CNTNAP2: variants seen among roughly 807,000 people sequenced by gnomAD.
The protein encoded by CNTNAP2 is contactin-associated protein-like 2.
Under a neutral mutation model 155.2 loss-of-function variants are expected in CNTNAP2, and 98 were observed. That is an observed-to-expected ratio of 0.63 (90% CI 0.54 to 0.75). CNTNAP2 has a LOEUF of 0.75. Ranked by LOEUF, CNTNAP2 falls within the 30% of genes least tolerant of loss-of-function variation. The probability of loss-of-function intolerance (pLI) is 0.00; values close to 1 mark genes in which losing one functional copy is unlikely to be tolerated. For synonymous variants in CNTNAP2, 651 were observed against 631.2 expected (o/e 1.03, Z -0.47); for missense variants, 1,727 against 1,688.1 (o/e 1.02, Z -0.40).
intron 21 of CNTNAP2, among the ~76,000 whole-genome samples, chr7:148,293,645 T>C (rs10225169): frequency 0.059 from 9,012 of 152,270 alleles, 341 homozygotes; most frequent in African/African-American, 0.11. Flanking sequence ...TGACACATTA[T>C]TAAAACACCT....
intron 1 of CNTNAP2, among the ~76,000 whole-genome samples, chr7:146,546,562 C>A (rs1320834146): frequency 6.6e-6 from 1 of 151,826 alleles, no homozygotes; most frequent in Admixed American, 6.6e-5. Context: ...TTGGTACCAT[C>A]TAAGTTATAC....
At chr7:146,947,557 G>GTATATATATATATATATATATACATATA (rs1325610298) in intron 3 of CNTNAP2, among the ~76,000 whole-genome samples, 1 of 50,714 alleles carries the variant, frequency 2.0e-5, no homozygotes, top group Non-Finnish European at 4.8e-5. Context: ...GTGTGTGTGT[G>GTATATATATATATATATATATACATATA]TATATATATA....
At chr7:148,316,498 C>T (rs1797692245) in intron 21 of CNTNAP2, among the ~76,000 whole-genome samples, 1 of 152,084 alleles carries the variant, frequency 6.6e-6, no homozygotes, top group African/African-American at 2.4e-5. Context: ...TACGTGGTGC[C>T]TAATGGGGAT....
chr7:147,504,969 C>T (rs2116676707), intron 11 of CNTNAP2, among the ~76,000 whole-genome samples: 1 of 152,082 alleles, frequency 6.6e-6, no homozygotes, highest in South Asian at 2.1e-4. Context: ...CACACTGATG[C>T]AAACTTTAGC....
chr7:146,746,908 G>GT (rs1801818154), intron 1 of CNTNAP2, among the ~76,000 whole-genome samples: 1 of 150,684 alleles, frequency 6.6e-6, no homozygotes, highest in Admixed American at 6.6e-5. Flanking sequence ...CAACAAAGAA[G>GT]TTTTTTCCTA....
At chr7:146,797,956 A>T (rs373841683) in intron 2 of CNTNAP2, among the ~76,000 whole-genome samples, 2 of 152,182 alleles carry the variant, frequency 1.3e-5, no homozygotes, top group East Asian at 1.9e-4. Flanking sequence ...TTTGCCACAC[A>T]GAAGCTATTC....
At chr7:146,518,070 G>A (rs956725754) in intron 1 of CNTNAP2, among the ~76,000 whole-genome samples, 2 of 151,758 alleles carry the variant, frequency 1.3e-5, no homozygotes, top group African/African-American at 4.8e-5. Flanking sequence ...ATAATAAATA[G>A]TTCCATTCAC....
chr7:147,083,860 C>CATGTATGTACATATTATATACATATACAT (rs1800202927), intron 4 of CNTNAP2, among the ~76,000 whole-genome samples: 1 of 139,380 alleles, frequency 7.2e-6, no homozygotes, highest in Non-Finnish European at 1.5e-5. Context: ...TACATATACA[C>CATGTATGTACATATTATATACATATACAT]ATGTATGTAC....
At chr7:147,596,747 A>C (rs975577010) in intron 12 of CNTNAP2, among the ~76,000 whole-genome samples, 10 of 152,166 alleles carry the variant, frequency 6.6e-5, no homozygotes, top group African/African-American at 2.4e-4. Flanking sequence ...GCATTCCTGG[A>C]CATCCTTAGG....
chr7:147,194,192 G>C (rs766981602), intron 8 of CNTNAP2, among the ~76,000 whole-genome samples: 1 of 151,030 alleles, frequency 6.6e-6, no homozygotes, highest in Non-Finnish European at 1.5e-5. Flanking sequence ...TTTGGTTTTT[G>C]GTTCCTGTGT....
At chr7:147,365,220 A>T (rs1462378274) in intron 9 of CNTNAP2, among the ~76,000 whole-genome samples, 1 of 151,884 alleles carries the variant, frequency 6.6e-6, no homozygotes, top group African/African-American at 2.4e-5. Context: ...CCTGGCCAAC[A>T]TGGTGAAACC....
At chr7:147,353,635 G>A (rs374853430) in intron 9 of CNTNAP2, among the ~76,000 whole-genome samples, 3 of 152,122 alleles carry the variant, frequency 2.0e-5, no homozygotes, top group Non-Finnish European at 2.9e-5. Flanking sequence ...AGAGTAGAAC[G>A]ATTTATAATC....
intron 18 of CNTNAP2, among the ~76,000 whole-genome samples, chr7:148,194,809 A>G (rs1298391503): frequency 2.0e-5 from 3 of 152,202 alleles, no homozygotes; most frequent in East Asian, 1.9e-4. Context: ...TGGCCCCTCA[A>G]TGGATTGGAT....
At chr7:146,941,454 A>G (rs1433439826) in intron 3 of CNTNAP2, among the ~76,000 whole-genome samples, 1 of 152,144 alleles carries the variant, frequency 6.6e-6, no homozygotes. Flanking sequence ...TCCTTAACAA[A>G]TTACTGTAGT....
chr7:146,794,015 C>G (rs867082804), intron 2 of CNTNAP2, among the ~76,000 whole-genome samples: 25 of 152,284 alleles, frequency 1.6e-4, no homozygotes, highest in Middle Eastern at 6.8e-3. Context: ...GTTCTAGAGA[C>G]AGCTGCTGCT....
At chr7:146,312,207 T>A (rs932984271) in intron 1 of CNTNAP2, among the ~76,000 whole-genome samples, 2 of 152,186 alleles carry the variant, frequency 1.3e-5, no homozygotes, top group Non-Finnish European at 2.9e-5. Flanking sequence ...CTTCCTGAAT[T>A]TTCTAACATC....
At chr7:148,129,968 A>G (rs909051478) in intron 16 of CNTNAP2, among the ~76,000 whole-genome samples, 57 of 152,350 alleles carry the variant, frequency 3.7e-4, no homozygotes, top group African/African-American at 1.3e-3. Context: ...GTCAGCATAT[A>G]TGCTTTCACC....
chr7:147,169,928 T>A (rs1802192775), intron 8 of CNTNAP2, among the ~76,000 whole-genome samples: 1 of 152,152 alleles, frequency 6.6e-6, no homozygotes, highest in African/African-American at 2.4e-5. Flanking sequence ...CTGAATTTCA[T>A]CTGTCTGTCA....
chr7:147,144,849 T>G (rs889843377), intron 8 of CNTNAP2, among the ~76,000 whole-genome samples: 1 of 152,160 alleles, frequency 6.6e-6, no homozygotes, highest in African/African-American at 2.4e-5. Context: ...TCAGCAATGT[T>G]GTGTGGCTGA....
Sources: allele counts gnomAD v4.1 joint callset (sites outside exome capture counted in the v4.1 genomes callset), GRCh38; gene constraint gnomAD v4.1.1; transcripts MANE v1.5; gene names NCBI Gene and HGNC (gene_info 2026-07-23, HGNC 2026-07-21).